The following INSC variants were observed in gnomAD, a reference collection of about 807,000 sequenced individuals.
The protein encoded by INSC is protein inscuteable homolog.
A neutral mutation model predicts 58.6 loss-of-function variants in INSC; 67 were observed. That is an observed-to-expected ratio of 1.14 (90% CI 0.94 to 1.40). The LOEUF (loss-of-function observed/expected upper bound fraction) is 1.40, where lower values mean the gene tolerates loss of function less well. INSC is among the 40% of genes most tolerant of loss of function. The pLI, the probability that INSC is intolerant of heterozygous loss-of-function variation, is 0.00. For missense variants in INSC, 714 were observed against 692.0 expected (o/e 1.03, Z -0.36); for synonymous variants, 262 against 276.1 (o/e 0.95, Z 0.51).
intron 1 of INSC, among the ~76,000 whole-genome samples, chr11:15,133,439 C>G (rs1848169631): frequency 6.6e-6 from 1 of 152,126 alleles, no homozygotes; most frequent in Non-Finnish European, 1.5e-5. Context: ...TAATCAAGTC[C>G]CCTGTCCCCA....
chr11:15,235,646 C>G lies in INSC; in HGVS notation c.1215C>G (p.Ala405=), dbSNP rs760253455. The G allele has an allele frequency of 2.5e-6, 4 of 1,613,706 alleles. No homozygotes were observed. In the African/African-American group the frequency reaches 4.0e-5, roughly 16 times the overall value. ...LANMSVLEQC[A]SDIIQENGVQ... is the part of the protein sequence containing the mutation. ...ACATGTCTGTCCTAGAACAGTGTGC[C>G]TCTGACATCATTCAGGAAAATGGTA... The change falls in exon 10 of 13, where the codon GCC becomes GCG. Residue 405 remains alanine, a synonymous_variant. Transcript: ENST00000379556.
downstream of INSC, among the ~76,000 whole-genome samples, chr11:15,251,924 T>C (rs899096186): frequency 2.0e-5 from 3 of 152,178 alleles, no homozygotes; most frequent in African/African-American, 7.2e-5. Flanking sequence ...CACAAAAACT[T>C]ATACACTAAG....
chr11:15,114,197 G>T (rs1847637238), upstream of INSC, among the ~76,000 whole-genome samples: 1 of 142,652 alleles, frequency 7.0e-6, no homozygotes, highest in South Asian at 2.2e-4. Flanking sequence ...CCGAGCTTTT[G>T]GGTAGGAATC....
chr11:15,266,576 G>A, the INSC span, among the ~76,000 whole-genome samples: 1 of 151,948 alleles, frequency 6.6e-6, no homozygotes, highest in Non-Finnish European at 1.5e-5. Context: ...ATAAAATCCT[G>A]TGTCCAAATT....
At chr11:15,191,138 G>T (rs981475360) in intron 6 of INSC, among the ~76,000 whole-genome samples, 2 of 151,910 alleles carry the variant, frequency 1.3e-5, no homozygotes, top group African/African-American at 2.4e-5. Flanking sequence ...CTGCCACCAC[G>T]TCCGGCTAAT....
chr11:15,258,189 CAG>C, the INSC span, among the ~76,000 whole-genome samples: 1 of 152,108 alleles, frequency 6.6e-6, no homozygotes, highest in African/African-American at 2.4e-5. Context: ...AAAAGATATT[CAG>C]AGGAGTGTCT....
chr11:15,215,875 A>C (rs1170323309), intron 7 of INSC, among the ~76,000 whole-genome samples: 1 of 152,196 alleles, frequency 6.6e-6, no homozygotes, highest in East Asian at 1.9e-4. Flanking sequence ...ACATCTGACC[A>C]GCTCTGAGAG....
chr11:15,207,595 T>C (rs569529637), intron 7 of INSC, among the ~76,000 whole-genome samples: 2 of 152,136 alleles, frequency 1.3e-5, no homozygotes, highest in African/African-American at 4.8e-5. Flanking sequence ...GAGGCCTATA[T>C]TGAGCTCTTG....
At chr11:15,120,471 G>A (rs1448307965) in intron 1 of INSC, among the ~76,000 whole-genome samples, 3 of 152,222 alleles carry the variant, frequency 2.0e-5, no homozygotes, top group Admixed American at 6.5e-5. Context: ...TAAGTACTTG[G>A]TGTGGATCTT....
At chr11:15,220,333 C>T (rs912698719) in intron 7 of INSC, among the ~76,000 whole-genome samples, 1 of 152,152 alleles carries the variant, frequency 6.6e-6, no homozygotes, top group Admixed American at 6.5e-5. Flanking sequence ...GGACTTGGTG[C>T]TTGGTGGCAT....
chr11:15,213,679 CTA>C (rs1851110729), intron 7 of INSC, among the ~76,000 whole-genome samples: 1 of 152,182 alleles, frequency 6.6e-6, no homozygotes, highest in African/African-American at 2.4e-5. Flanking sequence ...CTTTCTCTGC[CTA>C]TATGTCTCTC....
intron 1 of INSC, among the ~76,000 whole-genome samples, chr11:15,118,020 C>G (rs1352266077): frequency 6.6e-6 from 1 of 152,204 alleles, no homozygotes; most frequent in Non-Finnish European, 1.5e-5. Context: ...AAGCCTGGCC[C>G]TGGCCCCGCA....
intron 8 of INSC, among the ~76,000 whole-genome samples, chr11:15,223,651 A>G (rs1358578665): frequency 6.6e-6 from 1 of 152,172 alleles, no homozygotes; most frequent in Non-Finnish European, 1.5e-5. Context: ...TAGGACCTAG[A>G]AGGAATCTTA....
chr11:15,150,980 T>C (rs1848630937), intron 2 of INSC, among the ~76,000 whole-genome samples: 1 of 152,166 alleles, frequency 6.6e-6, no homozygotes, highest in African/African-American at 2.4e-5. Flanking sequence ...CAGTGACAGC[T>C]GCTTTAAAGG....
At chr11:15,236,919 T>A (rs1468978394) in intron 10 of INSC, among the ~76,000 whole-genome samples, 1 of 152,232 alleles carries the variant, frequency 6.6e-6, no homozygotes, top group Non-Finnish European at 1.5e-5. Flanking sequence ...GAAACTTTGC[T>A]GAGCCAGCTG....
chr11:15,136,563 A>G (rs72859846), intron 1 of INSC, among the ~76,000 whole-genome samples: 4,031 of 152,284 alleles, frequency 0.026, 80 homozygotes, highest in Non-Finnish European at 0.043. Context: ...AACTAAATTT[A>G]TGCTATGTTC....
chr11:15,266,254 C>CAA, the INSC span, among the ~76,000 whole-genome samples: 1 of 140,074 alleles, frequency 7.1e-6, no homozygotes, highest in African/African-American at 2.6e-5. Context: ...GATGTGATCT[C>CAA]AAAAAAAAAA....
intron 9 of INSC, among the ~76,000 whole-genome samples, chr11:15,233,160 T>A (rs1001660963): frequency 6.6e-6 from 1 of 152,234 alleles, no homozygotes; most frequent in Non-Finnish European, 1.5e-5. Context: ...ACCTCTCACC[T>A]AGGGCCTTTC....
intron 1 of INSC, among the ~76,000 whole-genome samples, chr11:15,125,364 C>T (rs1384375429): frequency 1.3e-5 from 2 of 152,082 alleles, no homozygotes; most frequent in East Asian, 1.9e-4. Flanking sequence ...ATTTGAAGAA[C>T]GTTGGCTTTT....
Sources: gnomAD v4.1 joint callset for allele counts (sites outside exome capture counted in the v4.1 genomes callset) on GRCh38, gnomAD v4.1.1 for gene constraint, MANE v1.5 for transcripts, NCBI Gene and HGNC (gene_info 2026-07-23, HGNC 2026-07-21) for gene names.